The following AUH variants were observed in gnomAD, a reference collection of about 807,000 sequenced individuals.
AUH encodes AU RNA binding methylglutaconyl-CoA hydratase.
Under a neutral mutation model 42.3 loss-of-function variants are expected in AUH, and 29 were observed. The ratio of observed to expected loss-of-function variants is 0.69; its 90% CI spans 0.51 to 0.93. The LOEUF (loss-of-function observed/expected upper bound fraction) is 0.93, where lower values mean the gene tolerates loss of function less well. Among genes scored for constraint, AUH ranks in the 40% least tolerant of loss-of-function variants. AUH has a pLI of 0.00. For synonymous variants in AUH, 174 were observed against 166.4 expected, an observed-to-expected ratio of 1.05 and a Z score of -0.35; for missense variants, 452 against 438.1, an observed-to-expected ratio of 1.03 and a Z score of -0.28.
At position 91,214,238 on chromosome 9, in the gene AUH, C is replaced by T. The variant is rs1826694708; in HGVS notation, c.*110G>A. The T allele has an allele frequency of 2.3e-6, 2 of 879,356 alleles. No homozygotes were observed. The highest frequency in any genetic ancestry group is 3.3e-5 in the African/African-American group (2 of 60,254). 54.5% of individuals were successfully genotyped at this position (879,356 alleles called of 1,614,324 possible). ...CTTATTACACCGTATGAATAATCTG[C>T]TCTTCACTTTGGTCATTAAGGTTCC... On this transcript the variant is annotated 3_prime_UTR_variant, in exon 10 of 10. Transcript: ENST00000375731.
intron 3 of AUH, among the ~76,000 whole-genome samples, chr9:91,336,273 C>T (rs1290966352): frequency 1.3e-5 from 2 of 152,050 alleles, no homozygotes; most frequent in African/African-American, 2.4e-5. Context: ...TATATACTCA[C>T]ATACATACAC....
At chr9:91,228,172 C>T (rs1170084219) in intron 6 of AUH, among the ~76,000 whole-genome samples, 1 of 151,892 alleles carries the variant, frequency 6.6e-6, no homozygotes, top group Non-Finnish European at 1.5e-5. Flanking sequence ...GGCTGTGAAT[C>T]CATCTGGTCC....
At chr9:91,289,280 C>T (rs1320956940) in intron 6 of AUH, among the ~76,000 whole-genome samples, 1 of 152,184 alleles carries the variant, frequency 6.6e-6, no homozygotes, top group Non-Finnish European at 1.5e-5. Context: ...TTACTTTCTA[C>T]ATAATATTAA....
Position 91,361,734 on chromosome 9 carries a change from C to A in AUH, c.156G>T (p.Gln52His), listed in dbSNP as rs772562641. 6.5e-7 allele frequency: 1 copy of A among 1,548,094 alleles called. No homozygotes were observed. Among genetic ancestry groups the A allele is most frequent in the Non-Finnish European group, 8.7e-7 (1 of 1,146,426 alleles). ...GACCCCCGGCCGCAGGTACCCAGCC[C>A]TGGGCCCAGATCGCCGGGCCCGCTC... ...GRRAGPAIWAQGWVPAAGGPA... is the reference protein window; with the variant it reads ...GRRAGPAIWAHGWVPAAGGPA... Residue 52 changes from glutamine (Q) to histidine (H), a missense_variant, in exon 1 of 10, where the codon CAG becomes CAT. Gln to His is a conservative substitution (Grantham distance 24, BLOSUM62 0). Coordinates refer to ENST00000375731, the MANE Select transcript of AUH (RefSeq NM_001698.3).
At chr9:91,224,933 G>A (rs1247101220) in intron 6 of AUH, among the ~76,000 whole-genome samples, 6 of 152,110 alleles carry the variant, frequency 3.9e-5, no homozygotes, top group Non-Finnish European at 8.8e-5. Flanking sequence ...ATGATACTAT[G>A]AGCAAAGAAC....
intron 4 of AUH, among the ~76,000 whole-genome samples, chr9:91,317,263 T>C (rs910274184): frequency 1.3e-5 from 2 of 152,236 alleles, no homozygotes; most frequent in Non-Finnish European, 2.9e-5. Flanking sequence ...ACTGAGAGTC[T>C]AGGTGTAATT....
At chr9:91,304,727 G>A (rs550276887) in intron 4 of AUH, among the ~76,000 whole-genome samples, 8 of 152,160 alleles carry the variant, frequency 5.3e-5, no homozygotes, top group African/African-American at 1.2e-4. Context: ...GTAGAAAGCC[G>A]TCTACAAAAT....
At chr9:91,310,417 A>G (rs911810039) in intron 4 of AUH, among the ~76,000 whole-genome samples, 3 of 152,216 alleles carry the variant, frequency 2.0e-5, no homozygotes, top group Non-Finnish European at 4.4e-5. Context: ...TTGCCCTCTC[A>G]ATCAGGTACC....
At chr9:91,285,693 C>T (rs1587772438) in intron 6 of AUH, among the ~76,000 whole-genome samples, 1 of 152,252 alleles carries the variant, frequency 6.6e-6, no homozygotes, top group South Asian at 2.1e-4. Context: ...ACAAAATGGT[C>T]TGTACACAGT....
At chr9:91,359,318 C>T (rs1832675434) in intron 1 of AUH, among the ~76,000 whole-genome samples, 1 of 152,192 alleles carries the variant, frequency 6.6e-6, no homozygotes, top group South Asian at 2.1e-4. Context: ...ATCACAGTTA[C>T]ATGTAATGTA....
At position 91,356,242 on chromosome 9, in the gene AUH, G is replaced by A. The variant is rs1415113194; in HGVS notation, c.263-87C>T. ...CTACATCACACATCTAGCTAGCTTC[G>A]AACTTAACAAATCAAAGAAATTCAT... On this transcript the variant is annotated intron_variant, in intron 1 of 9. Transcript: ENST00000375731. 2.4e-5 allele frequency: 25 copies of A among 1,051,688 alleles called. No homozygotes were observed. In the East Asian group the frequency reaches 4.1e-4, roughly 17 times the overall value. 65.1% of individuals were successfully genotyped at this position (1,051,688 alleles called of 1,614,324 possible).
intron 4 of AUH, 145 bp downstream of exon 4, chr9:91,325,168 ATATAT>A: frequency 3.7e-6 from 2 of 544,900 alleles, no homozygotes; most frequent in East Asian, 3.3e-5. Flanking sequence ...TTCAAATTAA[ATATAT>A]TAAGTGTCAC....
At chr9:91,292,176 A>C (rs1826954421) in intron 6 of AUH, among the ~76,000 whole-genome samples, 1 of 152,066 alleles carries the variant, frequency 6.6e-6, no homozygotes, top group African/African-American at 2.4e-5. Flanking sequence ...AGAAGAAACA[A>C]CACCTCTTCA....
At chr9:91,246,277 C>A (rs1324094796) in intron 6 of AUH, among the ~76,000 whole-genome samples, 2 of 152,080 alleles carry the variant, frequency 1.3e-5, no homozygotes, top group African/African-American at 4.8e-5. Flanking sequence ...AACAAACAAA[C>A]AAAAAACCAC....
chr9:91,336,768 T>C (rs1385370354), intron 3 of AUH, among the ~76,000 whole-genome samples: 3 of 152,000 alleles, frequency 2.0e-5, no homozygotes, highest in African/African-American at 7.3e-5. Flanking sequence ...TTCAAATACA[T>C]CTCTAGCAGA....
At position 91,352,263 on chromosome 9, in the gene AUH, A is replaced by G. The variant is rs1832047007; in HGVS notation, c.418+3620T>C. Among the ~76,000 whole-genome samples the G allele has an allele frequency of 2.6e-5, 4 of 151,942 alleles. No individual in the cohort carries two copies. In the South Asian group the frequency reaches 8.3e-4, roughly 32 times the overall value. On this transcript the variant is annotated intron_variant, in intron 3 of 9. Coordinates refer to ENST00000375731, the MANE Select transcript of AUH (RefSeq NM_001698.3). ...GCACTCCTGCATGGGTGACAGGGAG[A>G]CCCCGTCTCAAAAAAATAAAAACAA... is the stretch of plus-strand genomic sequence containing the variant.
At chr9:91,215,214 A>G (rs980755543) in intron 9 of AUH, among the ~76,000 whole-genome samples, 4 of 152,204 alleles carry the variant, frequency 2.6e-5, no homozygotes, top group Admixed American at 6.5e-5. Context: ...AAGACAAAAA[A>G]GGGAAAACAT....
At chr9:91,297,082 GGATATAGTGTCCACAAC>G (rs1490584139) in intron 5 of AUH, among the ~76,000 whole-genome samples, 1 of 152,306 alleles carries the variant, frequency 6.6e-6, no homozygotes, top group Middle Eastern at 3.4e-3. Flanking sequence ...GAGTCTCTAT[GGATATAGTGTCCACAAC>G]GATGAATATG....
chr9:91,257,145 T>C (rs1564035442), intron 6 of AUH, among the ~76,000 whole-genome samples: 2 of 152,130 alleles, frequency 1.3e-5, no homozygotes, highest in Non-Finnish European at 2.9e-5. Context: ...AAAATGGTTA[T>C]GTAGAGCTAA....
Sources: gnomAD v4.1 joint callset for allele counts (sites outside exome capture counted in the v4.1 genomes callset) on GRCh38, gnomAD v4.1.1 for gene constraint, MANE v1.5 for transcripts, NCBI Gene and HGNC (gene_info 2026-07-23, HGNC 2026-07-21) for gene names.